The following CERS4 variants were observed in gnomAD, a reference collection of about 807,000 sequenced individuals.
The protein encoded by CERS4 is ceramide synthase 4.
A neutral mutation model predicts 51.8 loss-of-function variants in CERS4; 65 were observed. The observed-to-expected ratio is 1.26, with a 90% CI of 1.03 to 1.54. The LOEUF (loss-of-function observed/expected upper bound fraction) is 1.54, where lower values mean the gene tolerates loss of function less well. CERS4 is among the 40% of genes most tolerant of loss of function. The pLI, the probability that CERS4 is intolerant of heterozygous loss-of-function variation, is 0.00. For missense variants in CERS4, 563 were observed against 500.4 expected (o/e 1.13, Z -1.19); for synonymous variants, 228 against 208.4 (o/e 1.09, Z -0.81).
At chr19:8,258,434 C>T (rs771126227) in intron 10 of CERS4, among the ~76,000 whole-genome samples, 5 of 152,176 alleles carry the variant, frequency 3.3e-5, no homozygotes, top group Non-Finnish European at 7.3e-5. Context: ...ACGGGCCGGG[C>T]GTGGTAGCTC....
Position 8,251,067 on chromosome 19 carries a change from T to G in CERS4, c.-1-9T>G, listed in dbSNP as rs558302800. ...AGACCTCCCAGCTAACTGGAACCTG[T>G]GTCCACAGAATGCTGTCCAGTTTCA... On this transcript the variant is annotated splice_polypyrimidine_tract_variant and intron_variant, in intron 2 of 11. Coordinates refer to ENST00000251363, the MANE Select transcript of CERS4 (RefSeq NM_024552.3). 53 of 1,577,478 alleles carry G rather than the reference T, an allele frequency of 3.4e-5. No homozygotes were observed. The East Asian group carries it at 1.2e-3, about 35-fold the overall frequency.
rs1232649523 is a variant in CERS4, at chr19:8,210,487, G to C, written c.-158-219G>C. Among the ~76,000 whole-genome samples, 1 of 152,112 alleles carries C rather than the reference G, an allele frequency of 6.6e-6. No homozygotes were observed. Among genetic ancestry groups the C allele is most frequent in the Non-Finnish European group, 1.5e-5 (1 of 68,018 alleles). ...CTGGGGGACACAGGAAGGTGGGCAG[G>C]GGGAGAGGCTGTTGTGGTTTGCAAA... On this transcript the variant is annotated intron_variant, in intron 1 of 11. Transcript: ENST00000251363. The surrounding 1 kb of genome is among the most constrained non-coding windows in gnomAD (Gnocchi z 4.2).
intron 2 of CERS4, among the ~76,000 whole-genome samples, chr19:8,228,209 G>A (rs961128668): frequency 5.3e-5 from 8 of 152,086 alleles, no homozygotes; most frequent in African/African-American, 1.9e-4. Flanking sequence ...CGAGATGACA[G>A]GTGTGAGCCA....
intron 2 of CERS4, chr19:8,238,482 A>T (rs1410801646): frequency 1.0e-6 from 1 of 984,776 alleles, no homozygotes; most frequent in African/African-American, 1.7e-5. Context: ...CTTGGGAATC[A>T]TACCATCTGG....
At chr19:8,256,582 G>A (rs765412609) in intron 7 of CERS4, 36 bp from the exon 8 acceptor site, 16 of 1,579,924 alleles carry the variant, frequency 1.0e-5, no homozygotes, top group Middle Eastern at 1.7e-4. Context: ...TGGAGCCTTC[G>A]CTCCCCACAG....
chr19:8,213,085 G>T (rs1450070201), intron 2 of CERS4, among the ~76,000 whole-genome samples: 1 of 151,888 alleles, frequency 6.6e-6, no homozygotes, highest in Non-Finnish European at 1.5e-5. Context: ...TGTTGCCCAG[G>T]CTGGGGTGCA....
At position 8,251,326 on chromosome 19, in the gene CERS4, C is replaced by T. The variant is rs376881997; in HGVS notation, c.173+77C>T. The T allele has an allele frequency of 2.9e-4, 426 of 1,470,310 alleles. 1 individual carries two copies. The African/African-American group carries it at 5.8e-3, about 20-fold the overall frequency. 91.1% of individuals were successfully genotyped at this position (1,470,310 alleles called of 1,614,324 possible). A position where few individuals can be genotyped will look rare whatever the true frequency, so the allele number is the denominator to read the frequency against. On this transcript the variant is annotated intron_variant, in intron 3 of 11. Coordinates refer to ENST00000251363, the MANE Select transcript of CERS4 (RefSeq NM_024552.3). ...TGCTCGTGCCCTGTGTGCAATTTGCCATTGCAGCATGTCCCGAGTAGAAGC... is the reference window on the plus strand; with the variant it reads ...TGCTCGTGCCCTGTGTGCAATTTGCTATTGCAGCATGTCCCGAGTAGAAGC...
At chr19:8,226,586 T>C (rs1967797597) in intron 2 of CERS4, among the ~76,000 whole-genome samples, 1 of 152,162 alleles carries the variant, frequency 6.6e-6, no homozygotes, top group Non-Finnish European at 1.5e-5. Context: ...GGCAGGGACA[T>C]CACCAAAGGG....
At chr19:8,226,383 A>G (rs1186729891) in intron 2 of CERS4, among the ~76,000 whole-genome samples, 2 of 152,094 alleles carry the variant, frequency 1.3e-5, no homozygotes, top group African/African-American at 4.8e-5. Context: ...CTGCTCTCCC[A>G]CAGAACAGTC....
intron 2 of CERS4, among the ~76,000 whole-genome samples, chr19:8,242,037 G>T (rs1420024578): frequency 6.6e-6 from 1 of 152,118 alleles, no homozygotes; most frequent in African/African-American, 2.4e-5. Flanking sequence ...CCATGCCTGA[G>T]CCCCTCCCAT....
chr19:8,242,418 A>G (rs763445331), intron 2 of CERS4, among the ~76,000 whole-genome samples: 4 of 152,152 alleles, frequency 2.6e-5, no homozygotes, highest in Non-Finnish European at 5.9e-5. Flanking sequence ...CCACTCAGGA[A>G]GCAATGGGCA....
At chr19:8,217,537 GTTTT>G (rs567486585) in intron 2 of CERS4, among the ~76,000 whole-genome samples, 1 of 134,532 alleles carries the variant, frequency 7.4e-6, no homozygotes. Flanking sequence ...CCTGGCTAAT[GTTTT>G]TTTTTTTTTT....
intron 7 of CERS4, 136 bp from the exon 8 acceptor site, chr19:8,256,482 A>G: frequency 1.0e-6 from 1 of 980,536 alleles, no homozygotes; most frequent in Middle Eastern, 2.2e-4. Context: ...GCCCTTGATT[A>G]CCTCCAGGGA....
intron 2 of CERS4, among the ~76,000 whole-genome samples, chr19:8,249,889 C>G (rs1454503460): frequency 6.6e-6 from 1 of 152,192 alleles, no homozygotes; most frequent in Non-Finnish European, 1.5e-5. Context: ...TGAGCCCGGC[C>G]TCTGGATTTC....
rs1175568832 is a variant in CERS4, at chr19:8,231,764, G to A, written c.-1-19312G>A. Among the ~76,000 whole-genome samples the A allele has an allele frequency of 4.0e-5, 6 of 151,654 alleles. No homozygotes were observed. The South Asian group carries it at 1.0e-3, about 26-fold the overall frequency. On this transcript the variant is annotated intron_variant, in intron 2 of 11. Coordinates refer to ENST00000251363, the MANE Select transcript of CERS4 (RefSeq NM_024552.3). ...AGACAGGGTTTCATCGTGTTAGCCAGGATGGTCTCGATTTCCTGACCTCGT... is the reference window on the plus strand; with the variant it reads ...AGACAGGGTTTCATCGTGTTAGCCAAGATGGTCTCGATTTCCTGACCTCGT...
intron 2 of CERS4, among the ~76,000 whole-genome samples, chr19:8,235,751 C>T (rs1366073447): frequency 1.3e-5 from 2 of 151,626 alleles, no homozygotes; most frequent in Non-Finnish European, 2.9e-5. Flanking sequence ...TAAAATTAGG[C>T]AGGCTGGTGG....
At chr19:8,245,695 A>G (rs1229461044) in intron 2 of CERS4, among the ~76,000 whole-genome samples, 2 of 151,094 alleles carry the variant, frequency 1.3e-5, no homozygotes, top group African/African-American at 2.4e-5. Context: ...GCCCACCACC[A>G]CCCCTGGCTA....
chr19:8,231,845 C>A (rs967212308), intron 2 of CERS4, among the ~76,000 whole-genome samples: 1 of 117,152 alleles, frequency 8.5e-6, no homozygotes, highest in Admixed American at 9.5e-5. Flanking sequence ...AGGCACTGTG[C>A]CCAGCATTTT....
chr19:8,220,077 G>A (rs925594990), intron 2 of CERS4, among the ~76,000 whole-genome samples: 5 of 151,740 alleles, frequency 3.3e-5, no homozygotes, highest in African/African-American at 9.7e-5. Flanking sequence ...CCTCCCTCTC[G>A]GATGATGCCA....
Sources: gnomAD v4.1 joint callset for allele counts (sites outside exome capture counted in the v4.1 genomes callset) on GRCh38, gnomAD v4.1.1 for gene constraint, Gnocchi (gnomAD v3.1) non-coding constraint, MANE v1.5 for transcripts, NCBI Gene and HGNC (gene_info 2026-07-23, HGNC 2026-07-21) for gene names.